FSIP1: variants seen among roughly 807,000 people sequenced by gnomAD.
FSIP1 encodes fibrous sheath interacting protein 1.
FSIP1 carries 65 observed loss-of-function variants against 60.9 expected under a neutral mutation model. The ratio of observed to expected loss-of-function variants is 1.07; its 90% CI spans 0.87 to 1.31. FSIP1 has a LOEUF of 1.31. Ranked by LOEUF, FSIP1 falls within the 40% of genes most tolerant of loss-of-function variation. The probability of loss-of-function intolerance (pLI) is 0.00; values close to 1 mark genes in which losing one functional copy is unlikely to be tolerated. For synonymous variants in FSIP1, 209 were observed against 221.2 expected (o/e 0.94, Z 0.49); for missense variants, 675 against 665.5 (o/e 1.01, Z -0.16).
intron 10 of FSIP1, among the ~76,000 whole-genome samples, chr15:39,657,341 G>T (rs1040853234): frequency 6.6e-6 from 1 of 152,060 alleles, no homozygotes; most frequent in African/African-American, 2.4e-5. Context: ...TCAGGGACAA[G>T]ATTACACAAT....
intron 9 of FSIP1, among the ~76,000 whole-genome samples, chr15:39,715,366 C>G (rs1376704525): frequency 6.6e-6 from 1 of 152,146 alleles, no homozygotes; most frequent in Non-Finnish European, 1.5e-5. Context: ...CCACATGCTC[C>G]TTTATTGCAC....
chr15:39,768,097 C>T lies in FSIP1; in HGVS notation c.310+2330G>A, dbSNP rs563546726. ...CATGGGATCAGAGCCCAAAAGCACT[C>T]CCCATGGCCTCTGCACCTGCTCATC... is the stretch of plus-strand genomic sequence containing the variant. On this transcript the variant is annotated intron_variant, in intron 3 of 11. Coordinates refer to ENST00000350221, the MANE Select transcript of FSIP1 (RefSeq NM_152597.5). 2.0e-5 allele frequency among the ~76,000 whole-genome samples: 3 copies of T among 152,342 alleles called. No homozygotes were observed. The East Asian group carries it at 5.8e-4, about 29-fold the overall frequency.
chr15:39,685,711 A>T (rs1029480233), intron 10 of FSIP1, among the ~76,000 whole-genome samples: 1 of 152,174 alleles, frequency 6.6e-6, no homozygotes, highest in Admixed American at 6.5e-5. Context: ...TGAAAAAAAA[A>T]TTTTTATACA....
chr15:39,723,892 C>T (rs1896083461), intron 9 of FSIP1, among the ~76,000 whole-genome samples: 1 of 152,200 alleles, frequency 6.6e-6, no homozygotes, highest in Admixed American at 6.5e-5. Flanking sequence ...GTTAGCATTC[C>T]TGCTTTGAAA....
chr15:39,640,103 T>G (rs1218229396), intron 10 of FSIP1, among the ~76,000 whole-genome samples: 1 of 152,188 alleles, frequency 6.6e-6, no homozygotes, highest in Non-Finnish European at 1.5e-5. Flanking sequence ...ACCCCATGTA[T>G]GTACATAACA....
At chr15:39,606,665 C>T (rs369532958) in intron 11 of FSIP1, among the ~76,000 whole-genome samples, 1 of 152,190 alleles carries the variant, frequency 6.6e-6, no homozygotes, top group Non-Finnish European at 1.5e-5. Context: ...ACAGGTCCAA[C>T]GAGAAATTCC....
chr15:39,663,671 T>C (rs989355589), intron 10 of FSIP1, among the ~76,000 whole-genome samples: 2 of 152,138 alleles, frequency 1.3e-5, no homozygotes, highest in African/African-American at 2.4e-5. Context: ...GAAGTAACAA[T>C]GTGCAACGTA....
At chr15:39,612,411 G>T (rs558393904) in intron 11 of FSIP1, among the ~76,000 whole-genome samples, 2 of 151,956 alleles carry the variant, frequency 1.3e-5, no homozygotes, top group East Asian at 1.9e-4. Flanking sequence ...TAGGTCAGAG[G>T]GGGGAAAAAA....
At chr15:39,772,637 C>T (rs1289208715) in intron 2 of FSIP1, among the ~76,000 whole-genome samples, 1 of 150,328 alleles carries the variant, frequency 6.7e-6, no homozygotes, top group African/African-American at 2.5e-5. Flanking sequence ...GTCGCTCAGG[C>T]TGGAGTGCAG....
intron 10 of FSIP1, among the ~76,000 whole-genome samples, chr15:39,650,540 C>T (rs952976305): frequency 3.9e-5 from 6 of 152,310 alleles, no homozygotes; most frequent in African/African-American, 1.4e-4. Context: ...TTATTTACCT[C>T]CCTGCCTTAG....
At chr15:39,692,624 G>A (rs1412162071) in intron 10 of FSIP1, among the ~76,000 whole-genome samples, 1 of 152,146 alleles carries the variant, frequency 6.6e-6, no homozygotes, top group Non-Finnish European at 1.5e-5. Flanking sequence ...ACTGATTAAA[G>A]TAAGGATACT....
At chr15:39,634,041 CG>C (rs1448774977) in intron 10 of FSIP1, among the ~76,000 whole-genome samples, 1 of 152,140 alleles carries the variant, frequency 6.6e-6, no homozygotes, top group African/African-American at 2.4e-5. Context: ...TGTCACTAAA[CG>C]GACTCCCTGT....
chr15:39,724,976 T>C lies in FSIP1; in HGVS notation c.1050+1613A>G, dbSNP rs552033650. 3.3e-5 allele frequency among the ~76,000 whole-genome samples: 5 copies of C among 152,348 alleles called. No individual in the cohort carries two copies. The South Asian group carries it at 1.0e-3, about 32-fold the overall frequency. ...GGCCGGATGCAGTGGCTCATGCCTG[T>C]AATCCCAGCACTTTGGGAGGCAAAG... On this transcript the variant is annotated intron_variant, in intron 9 of 11. Coordinates refer to ENST00000350221, the MANE Select transcript of FSIP1 (RefSeq NM_152597.5).
In FSIP1 at chr15:39,776,351, C is replaced by T. The variant is rs372248404; in HGVS notation, c.126+48G>A. ...ACAACAACCTTAGTTTCATCAACTGCTGAGAGGTTGGGGAAAGGAGTTTAA... is the reference window on the plus strand; with the variant it reads ...ACAACAACCTTAGTTTCATCAACTGTTGAGAGGTTGGGGAAAGGAGTTTAA... On this transcript the variant is annotated intron_variant, in intron 2 of 11. Coordinates refer to ENST00000350221, the MANE Select transcript of FSIP1 (RefSeq NM_152597.5). 33 of 1,584,120 alleles carry T rather than the reference C, an allele frequency of 2.1e-5. No individual in the cohort carries two copies. In the East Asian group the frequency reaches 6.7e-4, roughly 32 times the overall value.
At chr15:39,778,707 T>C (rs1804764738) in intron 1 of FSIP1, among the ~76,000 whole-genome samples, 1 of 152,168 alleles carries the variant, frequency 6.6e-6, no homozygotes, top group Non-Finnish European at 1.5e-5. Flanking sequence ...TGAGTGTTCG[T>C]GAGGAGTGCA....
At chr15:39,607,708 C>T (rs1399859464) in intron 11 of FSIP1, among the ~76,000 whole-genome samples, 5 of 152,270 alleles carry the variant, frequency 3.3e-5, no homozygotes. Flanking sequence ...CTGACTCTGC[C>T]TTTTAGAAGC....
At chr15:39,624,674 A>T (rs1891567213) in intron 10 of FSIP1, among the ~76,000 whole-genome samples, 2 of 151,984 alleles carry the variant, frequency 1.3e-5, no homozygotes, top group South Asian at 4.1e-4. Context: ...CCTCTCTTAC[A>T]CTGAGGCTAC....
chr15:39,669,174 C>T (rs777129102), intron 10 of FSIP1, among the ~76,000 whole-genome samples: 2 of 152,142 alleles, frequency 1.3e-5, no homozygotes, highest in Non-Finnish European at 2.9e-5. Context: ...CCTGAGCTCT[C>T]CCACTTTCCA....
intron 10 of FSIP1, among the ~76,000 whole-genome samples, chr15:39,687,546 T>C (rs1004471467): frequency 3.3e-5 from 5 of 152,210 alleles, no homozygotes. Context: ...AGTTGGTCCC[T>C]ACCTCCCATC....
Sources: gnomAD v4.1 joint callset for allele counts (sites outside exome capture counted in the v4.1 genomes callset) on GRCh38, gnomAD v4.1.1 for gene constraint, MANE v1.5 for transcripts, NCBI Gene and HGNC (gene_info 2026-07-23, HGNC 2026-07-21) for gene names.